The following RHAG variants were observed in gnomAD, a reference collection of about 807,000 sequenced individuals.
RHAG encodes the protein ammonium transporter Rh type A.
In RHAG, 25 loss-of-function variants were observed where a neutral mutation model predicts 42.4. That is an observed-to-expected ratio of 0.59 (90% confidence interval 0.43 to 0.82). The LOEUF is 0.82. Ranked by LOEUF, RHAG falls within the 40% of genes least tolerant of loss-of-function variation. The pLI is 0.00. For synonymous variants in RHAG, 182 were observed against 177.7 expected, an observed-to-expected ratio of 1.02 and a Z score of -0.19; for missense variants, 483 against 504.6, an observed-to-expected ratio of 0.96 and a Z score of 0.41.
chr6:49,611,486 C>T (rs1434715074), intron 6 of RHAG, among the ~76,000 whole-genome samples: 2 of 152,064 alleles, frequency 1.3e-5, no homozygotes, highest in African/African-American at 2.4e-5. Context: ...TGTGCATTAG[C>T]GCTCTAGGCA....
intron 5 of RHAG, 91 bp from the exon 6 acceptor site, chr6:49,612,625 C>T: frequency 6.8e-7 from 1 of 1,460,786 alleles, no homozygotes; most frequent in Non-Finnish European, 9.6e-7. Flanking sequence ...AGACCCACAT[C>T]ACATTCTTCA....
At position 49,619,691 on chromosome 6, in the gene RHAG, T is replaced by A. The variant is rs534441231; in HGVS notation, c.158-329A>T. Among the ~76,000 whole-genome samples, 15 of 152,336 alleles carry A rather than the reference T, an allele frequency of 9.8e-5. No homozygotes were observed. The East Asian group carries it at 2.9e-3, about 29-fold the overall frequency. On this transcript the variant is annotated intron_variant, in intron 1 of 9. Coordinates refer to ENST00000371175, the MANE Select transcript of RHAG (RefSeq NM_000324.3). ...AAAGCACAGAGCAAGCATCACCCCT[T>A]CTTGAAGACTTTCCCAATACTCTCA...
chr6:49,636,090 G>A (rs1005235061), intron 1 of RHAG, among the ~76,000 whole-genome samples: 2 of 152,066 alleles, frequency 1.3e-5, no homozygotes, highest in African/African-American at 4.8e-5. Flanking sequence ...TTTAAAATAT[G>A]TTAAGTATTC....
chr6:49,619,379 G>A lies in RHAG; in HGVS notation c.158-17C>T, dbSNP rs777014940. On this transcript the variant is annotated splice_polypyrimidine_tract_variant and intron_variant, in intron 1 of 9. Coordinates refer to ENST00000371175, the MANE Select transcript of RHAG (RefSeq NM_000324.3). ...CTTGGAACACTGGAAAAGAGGAAAG[G>A]AAAAAATATCTGCATTATGAGAGCA... 6 of 1,608,876 alleles carry A rather than the reference G, an allele frequency of 3.7e-6. No individual in the cohort carries two copies. In the African/African-American group the frequency reaches 4.0e-5, roughly 11 times the overall value.
At position 49,634,307 on chromosome 6, in the gene RHAG, G is replaced by A. The variant is rs1184135038; in HGVS notation, c.157+2349C>T. On this transcript the variant is annotated intron_variant, in intron 1 of 9. Coordinates refer to ENST00000371175, the MANE Select transcript of RHAG (RefSeq NM_000324.3). ...GTTCCAACACCCTTCCCAATATCTA[G>A]TAATTATCATTCTACTCTCTACCTC... Among the ~76,000 whole-genome samples the A allele has an allele frequency of 2.6e-5, 4 of 151,890 alleles. No homozygotes were observed. In the East Asian group the frequency reaches 7.7e-4, roughly 29 times the overall value.
chr6:49,624,094 A>G (rs1046263636), intron 1 of RHAG, among the ~76,000 whole-genome samples: 1 of 152,218 alleles, frequency 6.6e-6, no homozygotes, highest in Non-Finnish European at 1.5e-5. Flanking sequence ...AAAGTATAAA[A>G]GCGAAGAAAT....
rs1025656309 is a variant in RHAG at position 49,631,864 on chromosome 6, G to C, written c.157+4792C>G. 4.6e-5 allele frequency: 7 copies of C among 152,352 alleles called. No individual in the cohort carries two copies. The East Asian group carries it at 1.3e-3, about 29-fold the overall frequency. The allele number at this position is 152,352 out of a possible 1,614,324, so 9.4% of individuals were successfully genotyped here. A position where few individuals can be genotyped will look rare whatever the true frequency, so the allele number is the denominator to read the frequency against. On this transcript the variant is annotated intron_variant, in intron 1 of 9. Transcript: ENST00000371175. ...CATGACAATTCCAGGTAACAATGCA[G>C]CAGCAAACCATTTCCTAGGAATTGT...
Position 49,612,383 on chromosome 6 carries a change from TCTG to T in RHAG, c.945+11_945+13del. 1 of 1,613,958 alleles carries T rather than the reference TCTG, an allele frequency of 6.2e-7. No individual in the cohort carries two copies. Among genetic ancestry groups the T allele is most frequent in the Non-Finnish European group, 8.5e-7 (1 of 1,179,840 alleles). ...CAGATTCAGAGTTTGACTCAGAACA[TCTG>T]CTGTACTTACAGTCAGGAACTTGTA... On this transcript the variant is annotated intron_variant, in intron 6 of 9. Transcript: ENST00000371175.
chr6:49,615,789 A>T lies in RHAG; in HGVS notation c.493-18T>A, dbSNP rs1762643262. ...TCAGAGGCCTGAGGGACAAAATAGC[A>T]TTCACATAAATAGAGGTGAACCTGA... On this transcript the variant is annotated intron_variant, in intron 3 of 9. Coordinates refer to ENST00000371175, the MANE Select transcript of RHAG (RefSeq NM_000324.3). 5.0e-6 allele frequency: 8 copies of T among 1,613,422 alleles called. No individual in the cohort carries two copies. The highest frequency in any genetic ancestry group is 6.8e-6 in the Non-Finnish European group (8 of 1,179,368).
intron 9 of RHAG, among the ~76,000 whole-genome samples, chr6:49,606,416 T>TTCTTTCTG (rs924287966): frequency 6.6e-6 from 1 of 152,148 alleles, no homozygotes; most frequent in African/African-American, 2.4e-5. Context: ...CTAAATTCTT[T>TTCTTTCTG]TCTTTCTGTC....
chr6:49,618,290 C>T, intron 2 of RHAG, 72 bp from the exon 3 acceptor site: 5 of 1,539,608 alleles, frequency 3.2e-6, no homozygotes, highest in Non-Finnish European at 4.5e-6. Context: ...GCAATCCCAT[C>T]TCCCACCAGG....
At chr6:49,614,472 G>A (rs1762619142) in intron 5 of RHAG, among the ~76,000 whole-genome samples, 1 of 152,106 alleles carries the variant, frequency 6.6e-6, no homozygotes, top group Non-Finnish European at 1.5e-5. Context: ...AAAGTGCTGG[G>A]ATTACAGGCA....
chr6:49,621,083 G>T (rs1433498487), intron 1 of RHAG, among the ~76,000 whole-genome samples: 1 of 152,166 alleles, frequency 6.6e-6, no homozygotes, highest in Non-Finnish European at 1.5e-5. Flanking sequence ...AGACGTTACT[G>T]CTTCTTGGCT....
intron 7 of RHAG, among the ~76,000 whole-genome samples, chr6:49,607,723 T>C (rs1762498149): frequency 6.6e-6 from 1 of 152,194 alleles, no homozygotes; most frequent in Non-Finnish European, 1.5e-5. Flanking sequence ...AAAAATACTT[T>C]GTAATTTTGA....
chr6:49,606,759 T>G, intron 9 of RHAG, 89 bp downstream of exon 9: 2 of 901,340 alleles, frequency 2.2e-6, no homozygotes, highest in South Asian at 2.7e-5. Context: ...TCATCACACC[T>G]ATGCACACAG....
intron 5 of RHAG, among the ~76,000 whole-genome samples, chr6:49,614,476 A>G (rs1214857603): frequency 1.3e-5 from 2 of 152,048 alleles, no homozygotes; most frequent in African/African-American, 2.4e-5. Context: ...TGCTGGGATT[A>G]CAGGCATTAG....
chr6:49,623,595 C>T (rs1762797842), intron 1 of RHAG, among the ~76,000 whole-genome samples: 1 of 152,148 alleles, frequency 6.6e-6, no homozygotes. Flanking sequence ...TATTAACCCC[C>T]AGACTACATT....
chr6:49,614,451 C>G (rs1389335115), intron 5 of RHAG, among the ~76,000 whole-genome samples: 1 of 151,920 alleles, frequency 6.6e-6, no homozygotes, highest in Non-Finnish European at 1.5e-5. Flanking sequence ...ATCCCCCTGT[C>G]TAGGCCTCCC....
chr6:49,610,793 A>T (rs1762558900), intron 7 of RHAG, among the ~76,000 whole-genome samples: 1 of 152,232 alleles, frequency 6.6e-6, no homozygotes, highest in African/African-American at 2.4e-5. Context: ...TGTTTCTGGT[A>T]AAGACATTTA....
Sources: allele counts gnomAD v4.1 joint callset (sites outside exome capture counted in the v4.1 genomes callset), GRCh38; gene constraint gnomAD v4.1.1; transcripts MANE v1.5; gene names NCBI Gene and HGNC (gene_info 2026-07-23, HGNC 2026-07-21).